The following NBPF19 variants were observed in gnomAD, a reference collection of about 807,000 sequenced individuals.
The protein encoded by NBPF19 is NBPF member 19.
Under a neutral mutation model 45.9 loss-of-function variants are expected in NBPF19, and 30 were observed. The observed-to-expected ratio is 0.65, with a 90% confidence interval of 0.49 to 0.89. The LOEUF is 0.89. NBPF19 is among the 40% of genes least tolerant of loss of function. NBPF19 has a pLI of 0.00. For missense variants in NBPF19, 495 were observed against 471.8 expected (o/e 1.05, Z -0.46); for synonymous variants, 183 against 181.2 (o/e 1.01, Z -0.08).
chr1:149,487,245 T>C (rs1199732498), intron 8 of NBPF19, 87 bp from the exon 9 acceptor site: 5 of 874,308 alleles, frequency 5.7e-6, no homozygotes, highest in Non-Finnish European at 9.6e-6. Flanking sequence ...ACAAGACTGA[T>C]GTCCCTGTGT....
In NBPF19 at chr1:149,477,974, T is replaced by A. The variant is rs2084944178; in HGVS notation, c.205T>A (p.Phe69Ile). The A allele has an allele frequency of 6.8e-7, 1 of 1,478,100 alleles. No individual in the cohort carries two copies. 91.6% of individuals were successfully genotyped at this position (1,478,100 alleles called of 1,614,324 possible). A position where few individuals can be genotyped will look rare whatever the true frequency, so the allele number is the denominator to read the frequency against. The change falls in exon 3 of 94, where the codon TTT becomes ATT. Residue 69 changes from phenylalanine to isoleucine, a missense_variant. This residue lies in a region of NBPF19 where 69 missense variants were observed against 87.8 expected (regional missense o/e 0.79). Transcript: ENST00000651566. ...KYEECKDLIK[F>I]MLRNERQFKE... The stretch of plus-strand genomic sequence containing the variant: ...TGAAGAGTGTAAAGACCTCATAAAA[T>A]TTATGCTGAGGAATGAGCGACAGTT...
At chr1:149,492,533 CTCTG>C (rs2085882498) in intron 15 of NBPF19, among the ~76,000 whole-genome samples, 1 of 122,132 alleles carries the variant, frequency 8.2e-6, no homozygotes, top group Non-Finnish European at 1.7e-5. Context: ...CTGTCTCTGT[CTCTG>C]TCTCTCTCTC....
Position 149,521,125 on chromosome 1 carries a change from T to C in NBPF19, c.6165-194T>C, listed in dbSNP as rs2086719039. On this transcript the variant is annotated intron_variant, in intron 51 of 93. Coordinates refer to ENST00000651566, the MANE Select transcript of NBPF19 (RefSeq NM_001351365.2). ...CTCTGTCTCTCTCTCTCTCTCTCTC[T>C]CTGTCTTTCTCTTTCATTGTTTTCT... Among the ~76,000 whole-genome samples, 3 of 83,832 alleles carry C rather than the reference T, an allele frequency of 3.6e-5. No homozygotes were observed. In the Admixed American group the frequency reaches 3.8e-4, roughly 11 times the overall value. The allele number at this position is 83,832 out of a possible 152,430, so 55.0% of individuals were successfully genotyped here.
At chr1:149,477,290 A>C (rs1420831644) in intron 2 of NBPF19, among the ~76,000 whole-genome samples, 1 of 151,206 alleles carries the variant, frequency 6.6e-6, no homozygotes, top group Non-Finnish European at 1.5e-5. Flanking sequence ...TTAGTTCTTC[A>C]TTCTGATGTT....
In NBPF19 at chr1:149,515,123, A is replaced by C. The variant is rs1227716721; in HGVS notation, c.5323+15A>C. ...TGACGTGGGAGGTGAGTACCTTTCT[A>C]TGAAGGTGATAAGCACCACTGAGTC... On this transcript the variant is annotated intron_variant, in intron 44 of 93. Coordinates refer to ENST00000651566, the MANE Select transcript of NBPF19 (RefSeq NM_001351365.2). The C allele has an allele frequency of 1.0e-6, 1 of 984,436 alleles. No individual in the cohort carries two copies. The highest frequency in any genetic ancestry group is 2.8e-5 in the East Asian group (1 of 35,394). 61.0% of individuals were successfully genotyped at this position (984,436 alleles called of 1,614,324 possible).
intron 8 of NBPF19, 145 bp from the exon 9 acceptor site, chr1:149,487,187 C>T: frequency 2.6e-6 from 2 of 778,826 alleles, no homozygotes; most frequent in South Asian, 1.4e-5. Context: ...AAGACTTGAC[C>T]TCAGGCCTAC....
At chr1:149,491,052 T>C (rs2085849654) in intron 13 of NBPF19, 87 bp from the exon 14 acceptor site, 3 of 364,676 alleles carry the variant, frequency 8.2e-6, no homozygotes. Context: ...TCTTAACCAC[T>C]TCCCTATGCT....
chr1:149,554,959 C>G lies in NBPF19; in HGVS notation c.*221C>G, dbSNP rs2087212016. ...GACACGTTCACATAACTGTGCAGCA[C>G]ATGCCGGGAGTGATCAGTCGGACAT... On this transcript the variant is annotated 3_prime_UTR_variant, in exon 94 of 94. Transcript: ENST00000651566. 1.3e-6 allele frequency: 1 copy of G among 790,318 alleles called. No individual in the cohort carries two copies. The allele number at this position is 790,318 out of a possible 1,614,324, so 49.0% of individuals were successfully genotyped here. A position where few individuals can be genotyped will look rare whatever the true frequency, so the allele number is the denominator to read the frequency against.
Position 149,554,542 on chromosome 1 carries a change from A to C in NBPF19, c.11336A>C (p.Asp3779Ala). 1.9e-6 allele frequency: 3 copies of C among 1,608,120 alleles called. No homozygotes were observed. The highest frequency in any genetic ancestry group is 2.5e-6 in the Non-Finnish European group (3 of 1,176,686). ...GTGGAAGAGCCTGAAGTCTTACAGGACTCACTGGATGGATGTTATTCGACT... is the reference window on the plus strand; with the variant it reads ...GTGGAAGAGCCTGAAGTCTTACAGGCCTCACTGGATGGATGTTATTCGACT... ...MEVEEPEVLQ[D>A]SLDGCYSTPS... The change falls in exon 94 of 94, where the codon GAC becomes GCC. Residue 3779 changes from aspartate to alanine, a missense_variant. Physicochemically the swap from Asp to Ala is moderately radical, Grantham distance 126. This residue lies in a region of NBPF19 where 248 missense variants were observed against 95.4 expected (regional missense o/e 2.60). Coordinates refer to ENST00000651566, the MANE Select transcript of NBPF19 (RefSeq NM_001351365.2).
intron 8 of NBPF19, among the ~76,000 whole-genome samples, 153 bp downstream of exon 8, chr1:149,486,446 A>G (rs1270580765): frequency 6.7e-6 from 1 of 148,956 alleles, no homozygotes; most frequent in South Asian, 2.1e-4. Flanking sequence ...CTCTGGAGTC[A>G]AGTCTGAAGC....
chr1:149,554,285 G>GTC (rs1236576961), intron 93 of NBPF19, among the ~76,000 whole-genome samples: 295 of 142,182 alleles, frequency 2.1e-3, no homozygotes, highest in Middle Eastern at 3.5e-3. Context: ...CTCTGTCTCT[G>GTC]TCTCTCTCTC....
rs1294484601 is a variant in NBPF19, at chr1:149,554,939, G to T, written c.*201G>T. On this transcript the variant is annotated 3_prime_UTR_variant, in exon 94 of 94. Coordinates refer to ENST00000651566, the MANE Select transcript of NBPF19 (RefSeq NM_001351365.2). ...AATGGACCCACGTTAGGTGTGACAC[G>T]TTCACATAACTGTGCAGCACATGCC... 39 of 895,972 alleles carry T rather than the reference G, an allele frequency of 4.4e-5. No individual in the cohort carries two copies. The African/African-American group carries it at 6.0e-4, about 14-fold the overall frequency. 55.5% of individuals were successfully genotyped at this position (895,972 alleles called of 1,614,324 possible).
rs1204318181 is a variant in NBPF19, at chr1:149,556,194, C to T, written c.*1456C>T. 2 of 147,280 alleles carry T rather than the reference C, an allele frequency of 1.4e-5. No homozygotes were observed. The highest frequency in any genetic ancestry group is 3.0e-5 in the Non-Finnish European group (2 of 66,592). 9.1% of individuals were successfully genotyped at this position (147,280 alleles called of 1,614,324 possible). A position where few individuals can be genotyped will look rare whatever the true frequency, so the allele number is the denominator to read the frequency against. ...GCAAAAAGAAGAAAACATTCTCTGC[C>T]TGAGTTTTAATTTTTGTCCAAAGTT... On this transcript the variant is annotated 3_prime_UTR_variant, in exon 94 of 94. Coordinates refer to ENST00000651566, the MANE Select transcript of NBPF19 (RefSeq NM_001351365.2).
At chr1:149,476,780 C>A (rs1162145620) in intron 2 of NBPF19, among the ~76,000 whole-genome samples, 163 of 147,976 alleles carry the variant, frequency 1.1e-3, no homozygotes, top group Admixed American at 4.9e-3. Flanking sequence ...ACTAAAAATA[C>A]AAAAAGTAGA....
At chr1:149,483,384 T>C (rs1419324494) in intron 7 of NBPF19, among the ~76,000 whole-genome samples, 1 of 97,384 alleles carries the variant, frequency 1.0e-5, no homozygotes, top group African/African-American at 4.2e-5. Flanking sequence ...ATTTGCTTGG[T>C]AGATCTTCCT....
At chr1:149,477,672 G>T (rs1255111408) in intron 2 of NBPF19, among the ~76,000 whole-genome samples, 1 of 151,100 alleles carries the variant, frequency 6.6e-6, no homozygotes, top group African/African-American at 2.4e-5. Context: ...GACCTCAGGG[G>T]CTGTGAGTTC....
Position 149,490,921 on chromosome 1 carries a change from CGTGT to C in NBPF19, c.1491-197_1491-194del, listed in dbSNP as rs1159751982. Among the ~76,000 whole-genome samples, 90 of 126,012 alleles carry C rather than the reference CGTGT, an allele frequency of 7.1e-4. 12 individuals carry two copies. Among genetic ancestry groups the C allele is most frequent in the Middle Eastern group, 3.8e-3 (1 of 260 alleles). 82.7% of individuals were successfully genotyped at this position (126,012 alleles called of 152,430 possible). ...CTCTGTGTGTGTGTGTGTGTGTGTG[CGTGT>C]GTGTGTGTGTGTGTGTGTGTCCATC... On this transcript the variant is annotated intron_variant, in intron 13 of 93. Coordinates refer to ENST00000651566, the MANE Select transcript of NBPF19 (RefSeq NM_001351365.2).
chr1:149,479,196 C>G (rs1169143785), intron 4 of NBPF19, 102 bp downstream of exon 4: 1 of 1,518,116 alleles, frequency 6.6e-7, no homozygotes, highest in South Asian at 1.1e-5. Flanking sequence ...GGGTTTTTTT[C>G]TACTACACCT....
rs1416079869 is a variant in NBPF19 at position 149,554,613 on chromosome 1, A to T, written c.11407A>T (p.Ser3803Cys). Reference protein sequence around the residue: ...ELPDSFQHYRSVFYSFEEEHI... With the variant: ...ELPDSFQHYRCVFYSFEEEHI... The stretch of plus-strand genomic sequence containing the variant: ...ACCTGACTCATTCCAGCACTACAGA[A>T]GTGTGTTTTACTCATTTGAGGAAGA... Residue 3803 changes from serine (S) to cysteine (C), a missense_variant, in exon 94 of 94, where the codon AGT (serine) becomes TGT (cysteine). Physicochemically the swap from Ser to Cys is moderately radical, Grantham distance 112 (BLOSUM62 -1). Transcript: ENST00000651566. The T allele has an allele frequency of 6.2e-6, 10 of 1,608,162 alleles. No homozygotes were observed. Among genetic ancestry groups the T allele is most frequent in the Non-Finnish European group, 6.8e-6 (8 of 1,176,784 alleles).
Sources: allele counts gnomAD v4.1 joint callset (sites outside exome capture counted in the v4.1 genomes callset), GRCh38; gene constraint gnomAD v4.1.1; regional missense constraint gnomAD v4.1.1; transcripts MANE v1.5; gene names NCBI Gene and HGNC (gene_info 2026-07-23, HGNC 2026-07-21).